Variants in GIGYF2 observed in about 807,000 individuals in gnomAD.
GIGYF2 encodes the protein GRB10 interacting GYF protein 2.
A neutral mutation model predicts 208.1 loss-of-function variants in GIGYF2; 25 were observed. The observed-to-expected ratio is 0.12, with a 90% CI of 0.09 to 0.17. The LOEUF is 0.17. GIGYF2 is among the 10% of genes least tolerant of loss of function. GIGYF2 has a pLI of 1.00. For missense variants in GIGYF2, 1,302 were observed against 1,579.4 expected, an observed-to-expected ratio of 0.82 and a Z score of 2.98; for synonymous variants, 534 against 543.8, an observed-to-expected ratio of 0.98 and a Z score of 0.25.
At chr2:232,727,667 T>C (rs937277721) in intron 2 of GIGYF2, among the ~76,000 whole-genome samples, 2 of 152,202 alleles carry the variant, frequency 1.3e-5, no homozygotes, top group African/African-American at 2.4e-5. Context: ...TCTGTGGTCT[T>C]TCTCTTTCTT....
intron 2 of GIGYF2, among the ~76,000 whole-genome samples, chr2:232,703,825 G>C (rs1695963127): frequency 6.6e-6 from 1 of 152,224 alleles, no homozygotes; most frequent in South Asian, 2.1e-4. Flanking sequence ...GCTTTCAGGA[G>C]CCATAGTACT....
At chr2:232,705,450 C>G (rs1238406353) in intron 2 of GIGYF2, 1 of 152,036 alleles carries the variant, frequency 6.6e-6, no homozygotes, top group Non-Finnish European at 1.5e-5. Context: ...CTCTTGCTGC[C>G]GAGGCTGGAG....
At chr2:232,800,111 C>CT (rs374996390) in intron 14 of GIGYF2, among the ~76,000 whole-genome samples, 3,329 of 143,960 alleles carry the variant, frequency 0.023, 124 homozygotes, top group African/African-American at 0.077. Context: ...TTGTCATGCA[C>CT]TTTTTTTTTT....
At chr2:232,747,510 T>G in intron 3 of GIGYF2, 105 bp from the exon 4 acceptor site, 1 of 1,229,722 alleles carries the variant, frequency 8.1e-7, no homozygotes, top group Non-Finnish European at 1.2e-6. Flanking sequence ...TAGGATTTCT[T>G]TTTGCTCTTC....
chr2:232,713,333 C>T (rs1274631424), intron 2 of GIGYF2, among the ~76,000 whole-genome samples: 2 of 152,198 alleles, frequency 1.3e-5, no homozygotes, highest in Non-Finnish European at 2.9e-5. Flanking sequence ...TGACTTTGGC[C>T]TCCCAAAGTG....
chr2:232,718,502 T>C (rs1479997889), intron 2 of GIGYF2, among the ~76,000 whole-genome samples: 1 of 152,228 alleles, frequency 6.6e-6, no homozygotes, highest in Non-Finnish European at 1.5e-5. Context: ...AATACCCAAA[T>C]GTCAGTTTTT....
intron 8 of GIGYF2, among the ~76,000 whole-genome samples, chr2:232,778,875 G>A (rs545143048): frequency 8.6e-5 from 13 of 152,034 alleles, no homozygotes; most frequent in Admixed American, 7.9e-4. Flanking sequence ...GAGGAAGAAC[G>A]CTACTAGACC....
chr2:232,718,533 C>T (rs1442067882), intron 2 of GIGYF2, among the ~76,000 whole-genome samples: 1 of 152,182 alleles, frequency 6.6e-6, no homozygotes, highest in Non-Finnish European at 1.5e-5. Flanking sequence ...AATAAAGCTA[C>T]TATGAATCTC....
At chr2:232,784,681 A>G (rs1400776050) in intron 8 of GIGYF2, among the ~76,000 whole-genome samples, 4 of 152,098 alleles carry the variant, frequency 2.6e-5, no homozygotes, top group Admixed American at 1.3e-4. Context: ...CTGGCCACAA[A>G]ATAATTTATA....
At chr2:232,833,341 C>A (rs1176710556) in intron 22 of GIGYF2, among the ~76,000 whole-genome samples, 1 of 152,172 alleles carries the variant, frequency 6.6e-6, no homozygotes, top group Non-Finnish European at 1.5e-5. Flanking sequence ...CCACCTCAGC[C>A]TTCCCAGTAG....
intron 2 of GIGYF2, among the ~76,000 whole-genome samples, chr2:232,710,952 C>T (rs1460480299): frequency 6.6e-6 from 1 of 151,948 alleles, no homozygotes; most frequent in Non-Finnish European, 1.5e-5. Flanking sequence ...CCACCCACCT[C>T]AGCCTCCCAA....
intron 2 of GIGYF2, chr2:232,729,795 TG>T (rs1697368330): frequency 1.3e-6 from 1 of 749,224 alleles, no homozygotes; most frequent in Non-Finnish European, 2.5e-6. Flanking sequence ...TGGCAACGAG[TG>T]CAGGTTTTTT....
intron 2 of GIGYF2, among the ~76,000 whole-genome samples, chr2:232,709,258 A>G (rs958164882): frequency 2.0e-5 from 3 of 152,234 alleles, no homozygotes; most frequent in Non-Finnish European, 4.4e-5. Context: ...CCTGGCATGC[A>G]TTAAGTAGGC....
chr2:232,733,307 TTTTA>T (rs1204558349), intron 2 of GIGYF2, among the ~76,000 whole-genome samples: 1 of 149,416 alleles, frequency 6.7e-6, no homozygotes, highest in Non-Finnish European at 1.5e-5. Context: ...TTTACCTCAG[TTTTA>T]GTCTGGTTTG....
At position 232,787,144 on chromosome 2, in the gene GIGYF2, T is replaced by A; in HGVS notation, c.533-6T>A. 1 of 1,609,094 alleles carries A rather than the reference T, an allele frequency of 6.2e-7. No homozygotes were observed. The highest frequency in any genetic ancestry group is 2.2e-5 in the East Asian group (1 of 44,822). On this transcript the variant is annotated splice_region_variant and splice_polypyrimidine_tract_variant and intron_variant, in intron 8 of 28. Transcript: ENST00000373563. ...ATGTTTACTTACCATATTATTTTCTTTATAGGGAGACCAAATTTTGAGGAA... is the reference window on the plus strand; with the variant it reads ...ATGTTTACTTACCATATTATTTTCTATATAGGGAGACCAAATTTTGAGGAA...
rs1319213357 is a variant in GIGYF2, at chr2:232,847,474, C to T, written c.3587C>T (p.Ala1196Val). Reference protein sequence around the residue: ...EFAKQFLERRAKQKANQQRQQ... With the variant: ...EFAKQFLERRVKQKANQQRQQ... ...GCCAAGCAGTTCCTTGAGCGCCGTGCCAAACAGAAAGCCAACCAGCAGCGT... is the reference window on the plus strand; with the variant it reads ...GCCAAGCAGTTCCTTGAGCGCCGTGTCAAACAGAAAGCCAACCAGCAGCGT... Residue 1196 changes from alanine (A) to valine (V), a missense_variant, in exon 27 of 29, where the codon GCC (alanine) becomes GTC (valine). By Grantham distance (64) the Ala-to-Val change is moderately conservative. Coordinates refer to ENST00000373563, the MANE Select transcript of GIGYF2 (RefSeq NM_001103146.3). The T allele has an allele frequency of 2.5e-6, 4 of 1,613,414 alleles. No individual in the cohort carries two copies.
chr2:232,720,179 G>C (rs1696872122), intron 2 of GIGYF2, among the ~76,000 whole-genome samples: 1 of 152,162 alleles, frequency 6.6e-6, no homozygotes, highest in Admixed American at 6.6e-5. Flanking sequence ...CCACCTGTAA[G>C]TGAGAATGTG....
chr2:232,849,822 C>A (rs1268774086), intron 27 of GIGYF2, among the ~76,000 whole-genome samples: 2 of 152,212 alleles, frequency 1.3e-5, no homozygotes, highest in Non-Finnish European at 2.9e-5. Flanking sequence ...AGGTACACGA[C>A]TTTAACTTTG....
chr2:232,858,400 A>C lies in GIGYF2; in HGVS notation c.*1540A>C. ...TCCCTTCTAAACATGTGTAATAACT[A>C]TACAGAGACTGCTACAAAATTGTAT... On this transcript the variant is annotated 3_prime_UTR_variant, in exon 29 of 29. Coordinates refer to ENST00000373563, the MANE Select transcript of GIGYF2 (RefSeq NM_001103146.3). The C allele has an allele frequency of 2.3e-6, 1 of 444,152 alleles. No homozygotes were observed. The highest frequency in any genetic ancestry group is 4.5e-6 in the Non-Finnish European group (1 of 224,082). The allele number at this position is 444,152 out of a possible 1,614,324, so 27.5% of individuals were successfully genotyped here.
Sources: gnomAD v4.1 joint callset for allele counts (sites outside exome capture counted in the v4.1 genomes callset) on GRCh38, gnomAD v4.1.1 for gene constraint, MANE v1.5 for transcripts, NCBI Gene and HGNC (gene_info 2026-07-23, HGNC 2026-07-21) for gene names.